The following CASC3 variants were observed in gnomAD, a reference collection of about 807,000 sequenced individuals.
The protein encoded by CASC3 is CASC3 exon junction complex subunit.
CASC3 carries 30 observed loss-of-function variants against 80.5 expected under a neutral mutation model. That is an observed-to-expected ratio of 0.37 (90% CI 0.28 to 0.51). The LOEUF (loss-of-function observed/expected upper bound fraction) is 0.51, where lower values mean the gene tolerates loss of function less well. Among genes scored for constraint, CASC3 ranks in the 20% least tolerant of loss-of-function variants. CASC3 has a pLI of 0.94. For missense variants in CASC3, 824 were observed against 922.2 expected, an observed-to-expected ratio of 0.89 and a Z score of 1.38; for synonymous variants, 312 against 333.6, an observed-to-expected ratio of 0.94 and a Z score of 0.70.
In CASC3 at chr17:40,167,934, A is replaced by G; in HGVS notation, c.1736A>G (p.Asn579Ser). The change falls in exon 10 of 14, where the codon AAC (asparagine) becomes AGC (serine). Residue 579 changes from asparagine (N) to serine (S), a missense_variant. Asn to Ser is a conservative substitution (Grantham distance 46, BLOSUM62 1). Transcript: ENST00000264645. ...GGCATGCTTGTGCAGCCAGGAATGAACCTTCCCCACCCAGGTAAGCTTTGT... is the reference window on the plus strand; with the variant it reads ...GGCATGCTTGTGCAGCCAGGAATGAGCCTTCCCCACCCAGGTAAGCTTTGT... ...PQGMLVQPGM[N>S]LPHPGLHPHQ... The G allele has an allele frequency of 6.2e-7, 1 of 1,613,988 alleles. No homozygotes were observed. Among genetic ancestry groups the G allele is most frequent in the Non-Finnish European group, 8.5e-7 (1 of 1,179,934 alleles).
At chr17:40,165,991 ACTC>A (rs1479343297) in intron 7 of CASC3, among the ~76,000 whole-genome samples, 1 of 150,418 alleles carries the variant, frequency 6.6e-6, no homozygotes. Context: ...CTGGTCTTGA[ACTC>A]CTGGGCTCAA....
chr17:40,164,081 T>G lies in CASC3; in HGVS notation c.1386T>G (p.Leu462=). The part of the protein sequence containing the change: ...EAPVDSSTSG[L]EQDVAQLNIA... ...CGGTGGATTCTAGTACAAGTGGACT[T>G]GAGCAAGATGTGGCACAACTAAATA... Residue 462 remains leucine, a synonymous_variant, in exon 7 of 14, where the codon CTT becomes CTG. Coordinates refer to ENST00000264645, the MANE Select transcript of CASC3 (RefSeq NM_007359.5). 4 of 1,613,772 alleles carry G rather than the reference T, an allele frequency of 2.5e-6. No homozygotes were observed. Among genetic ancestry groups the G allele is most frequent in the Non-Finnish European group, 3.4e-6 (4 of 1,180,010 alleles).
intron 3 of CASC3, among the ~76,000 whole-genome samples, chr17:40,152,769 A>G (rs1989043987): frequency 6.6e-6 from 1 of 151,456 alleles, no homozygotes; most frequent in Admixed American, 6.6e-5. Flanking sequence ...CTGACCAAGT[A>G]TACAGTACGC....
chr17:40,165,768 T>G (rs946650742), intron 7 of CASC3, among the ~76,000 whole-genome samples: 16 of 150,828 alleles, frequency 1.1e-4, no homozygotes, highest in Admixed American at 2.0e-4. Flanking sequence ...TTTTTGTTTT[T>G]TTTTTTTTTT....
At chr17:40,145,432 A>C (rs1988834104) in intron 3 of CASC3, among the ~76,000 whole-genome samples, 1 of 152,068 alleles carries the variant, frequency 6.6e-6, no homozygotes, top group Non-Finnish European at 1.5e-5. Context: ...TCGGCCTCCC[A>C]AAGTGCTGGG....
chr17:40,159,985 G>A (rs1989252775), intron 3 of CASC3, among the ~76,000 whole-genome samples: 2 of 151,872 alleles, frequency 1.3e-5, no homozygotes, highest in Admixed American at 6.6e-5. Flanking sequence ...CAGAGTGTTG[G>A]GATTACAGGC....
Position 40,171,153 on chromosome 17 carries a change from G to A in CASC3, c.*748G>A. On this transcript the variant is annotated 3_prime_UTR_variant, in exon 14 of 14. Transcript: ENST00000264645. Reference sequence around the variant, plus strand: ...GGTAGGAGCCCTTCTCTTTGACTTAGGTTTTTAGGAGTCTGAGCATCCATC... The same window carrying A: ...GGTAGGAGCCCTTCTCTTTGACTTAAGTTTTTAGGAGTCTGAGCATCCATC... 1.0e-6 allele frequency: 1 copy of A among 986,002 alleles called. No individual in the cohort carries two copies. The highest frequency in any genetic ancestry group is 1.2e-6 in the Non-Finnish European group (1 of 829,980). 61.1% of individuals were successfully genotyped at this position (986,002 alleles called of 1,614,324 possible).
At position 40,140,743 on chromosome 17, in the gene CASC3, G is replaced by C; in HGVS notation, c.195G>C (p.Glu65Asp). Residue 65 changes from glutamate (E) to aspartate (D), a missense_variant, in exon 1 of 14, where the codon GAG becomes GAC. Glu to Asp is a conservative substitution (Grantham distance 45, BLOSUM62 2). Coordinates refer to ENST00000264645, the MANE Select transcript of CASC3 (RefSeq NM_007359.5). ...GGGCCCTTCATCTGCGGCGGGTGGA[G>C]AGCGGGGGCGCCAAGAGTGCTGAGG... ...RTGALHLRRV[E>D]SGGAKSAEES... 6.5e-7 allele frequency: 1 copy of C among 1,530,554 alleles called. No homozygotes were observed. Among genetic ancestry groups the C allele is most frequent in the Non-Finnish European group, 8.8e-7 (1 of 1,139,352 alleles). 94.8% of individuals were successfully genotyped at this position (1,530,554 alleles called of 1,614,324 possible). A position where few individuals can be genotyped will look rare whatever the true frequency, so the allele number is the denominator to read the frequency against.
At position 40,171,392 on chromosome 17, in the gene CASC3, C is replaced by T; in HGVS notation, c.*987C>T. On this transcript the variant is annotated 3_prime_UTR_variant, in exon 14 of 14. Coordinates refer to ENST00000264645, the MANE Select transcript of CASC3 (RefSeq NM_007359.5). ...TCTCTTCTTTCCATTCTTCTTGCTA[C>T]ACCCCTTTTCCAGTTGCTGTGGACC... 2 of 986,144 alleles carry T rather than the reference C, an allele frequency of 2.0e-6. No individual in the cohort carries two copies. The highest frequency in any genetic ancestry group is 4.7e-5 in the South Asian group (1 of 21,288). 61.1% of individuals were successfully genotyped at this position (986,144 alleles called of 1,614,324 possible). A position where few individuals can be genotyped will look rare whatever the true frequency, so the allele number is the denominator to read the frequency against.
intron 3 of CASC3, 83 bp downstream of exon 3, chr17:40,141,690 A>G (rs1176121078): frequency 1.2e-5 from 12 of 983,650 alleles, no homozygotes; most frequent in African/African-American, 8.1e-5. Flanking sequence ...CAAACGTACC[A>G]TGACCTCCGT....
intron 3 of CASC3, among the ~76,000 whole-genome samples, chr17:40,153,659 CT>C (rs1320692844): frequency 1.3e-5 from 2 of 152,116 alleles, no homozygotes; most frequent in African/African-American, 4.8e-5. Flanking sequence ...CTTAACAGCA[CT>C]TGTTGTGTTA....
rs1322492829 is a variant in CASC3 at position 40,170,772 on chromosome 17, GTTTGT to G, written c.*376_*380del. 3 of 985,402 alleles carry G rather than the reference GTTTGT, an allele frequency of 3.0e-6. No homozygotes were observed. The highest frequency in any genetic ancestry group is 2.2e-4 in the East Asian group (2 of 8,954). The allele number at this position is 985,402 out of a possible 1,614,324, so 61.0% of individuals were successfully genotyped here. ...TCTGTTCCCAAGGAAGCTCCTTCCT[GTTTGT>G]TTTGTTTTCTAAGATGTTCATTTTT... On this transcript the variant is annotated 3_prime_UTR_variant, in exon 14 of 14. Coordinates refer to ENST00000264645, the MANE Select transcript of CASC3 (RefSeq NM_007359.5).
intron 3 of CASC3, among the ~76,000 whole-genome samples, chr17:40,159,069 C>G (rs927701336): frequency 6.6e-6 from 1 of 152,040 alleles, no homozygotes; most frequent in African/African-American, 2.4e-5. Context: ...AACTCTGTCT[C>G]TACAAAAAAT....
At chr17:40,167,657 A>C in intron 9 of CASC3, 45 bp downstream of exon 9, 1 of 1,477,298 alleles carries the variant, frequency 6.8e-7, no homozygotes, top group Non-Finnish European at 9.5e-7. Context: ...GGCAGGGTGA[A>C]GTGAAGTAAG....
At chr17:40,166,951 TTTC>T in intron 8 of CASC3, 90 bp downstream of exon 8, 2 of 909,954 alleles carry the variant, frequency 2.2e-6, no homozygotes, top group Non-Finnish European at 3.3e-6. Context: ...CTTTTTTTTT[TTTC>T]TTTTCTTTCT....
rs151204622 is a variant in CASC3, at chr17:40,164,025, C to A, written c.1330C>A (p.Pro444Thr). The A allele has an allele frequency of 1.7e-5, 27 of 1,614,022 alleles. No homozygotes were observed. The African/African-American group carries it at 3.5e-4, about 21-fold the overall frequency. ...TCCAGTCCCAGAAACCACCCCAACT[C>A]CACCTACTAAGACTGGGACCTGGGA... ...APPVPETTPT[P>T]PTKTGTWEAP... is the part of the protein sequence containing the mutation. Residue 444 changes from proline to threonine, a missense_variant, in exon 7 of 14, where the codon CCA becomes ACA. Around this residue, in one of 3 missense-constraint regions of CASC3, gnomAD observed 464 missense variants for 506.0 expected, o/e 0.92. Coordinates refer to ENST00000264645, the MANE Select transcript of CASC3 (RefSeq NM_007359.5).
At chr17:40,157,756 C>T (rs1989189706) in intron 3 of CASC3, among the ~76,000 whole-genome samples, 1 of 152,118 alleles carries the variant, frequency 6.6e-6, no homozygotes, top group Non-Finnish European at 1.5e-5. Flanking sequence ...TTTTGACTCA[C>T]CCAAAACTTA....
rs943664581 is a variant in CASC3 at position 40,171,601 on chromosome 17, A to G, written c.*1196A>G. On this transcript the variant is annotated 3_prime_UTR_variant, in exon 14 of 14. Transcript: ENST00000264645. ...CCTGGGCTTAAGGCCTAAGGAAGCC[A>G]GTCACCTTCTGGGCAAGGGCTCCTA... 7.1e-6 allele frequency: 7 copies of G among 992,172 alleles called. No individual in the cohort carries two copies. The African/African-American group carries it at 1.2e-4, about 17-fold the overall frequency. 61.5% of individuals were successfully genotyped at this position (992,172 alleles called of 1,614,324 possible). A position where few individuals can be genotyped will look rare whatever the true frequency, so the allele number is the denominator to read the frequency against.
intron 3 of CASC3, among the ~76,000 whole-genome samples, chr17:40,159,516 C>T (rs1598427343): frequency 1.3e-5 from 2 of 149,292 alleles, no homozygotes; most frequent in East Asian, 3.9e-4. Context: ...GCTGGGACTA[C>T]AGGCACGCAC....
Sources: allele counts gnomAD v4.1 joint callset (sites outside exome capture counted in the v4.1 genomes callset), GRCh38; gene constraint gnomAD v4.1.1; regional missense constraint gnomAD v4.1.1; transcripts MANE v1.5; gene names NCBI Gene and HGNC (gene_info 2026-07-23, HGNC 2026-07-21).